Variants in CIBAR1 observed in about 807,000 individuals in gnomAD.
CIBAR1 encodes CBY1-interacting BAR domain-containing protein 1.
In CIBAR1, 25 loss-of-function variants were observed where a neutral mutation model predicts 44.0. The ratio of observed to expected loss-of-function variants is 0.57; its 90% CI spans 0.41 to 0.79. The LOEUF is 0.79. Among genes scored for constraint, CIBAR1 ranks in the 30% least tolerant of loss-of-function variants. The pLI is 0.00. For synonymous variants in CIBAR1, 115 were observed against 119.0 expected (o/e 0.97, Z 0.22); for missense variants, 278 against 344.8 (o/e 0.81, Z 1.53).
chr8:93,716,972 T>C (rs1811059384), intron 6 of CIBAR1, among the ~76,000 whole-genome samples: 1 of 152,252 alleles, frequency 6.6e-6, no homozygotes, highest in South Asian at 2.1e-4. Flanking sequence ...TCAAACAAGA[T>C]GGATGCTTTA....
chr8:93,725,128 A>G (rs563831435), intron 7 of CIBAR1, among the ~76,000 whole-genome samples: 5 of 152,172 alleles, frequency 3.3e-5, no homozygotes, highest in African/African-American at 1.2e-4. Context: ...GACTACAAGC[A>G]TGCACCACCA....
chr8:93,708,161 C>G, intron 5 of CIBAR1, 145 bp downstream of exon 5: 5 of 477,450 alleles, frequency 1.0e-5, no homozygotes, highest in Non-Finnish European at 1.8e-5. Context: ...CAAATGCAAA[C>G]TTTTTCTATG....
rs961606975 is a variant in CIBAR1 at position 93,702,715 on chromosome 8, T to C, written c.262-905T>C. The stretch of plus-strand genomic sequence containing the variant: ...TCGATTTTTATTTTCCTAACATGTT[T>C]TAAAATGAAACATTCATATACATTT... On this transcript the variant is annotated intron_variant, in intron 2 of 8. Transcript: ENST00000518322. Among the ~76,000 whole-genome samples the C allele has an allele frequency of 5.9e-5, 9 of 152,264 alleles. No individual in the cohort carries two copies. In the East Asian group the frequency reaches 1.7e-3, roughly 29 times the overall value.
chr8:93,718,917 G>A (rs1003501628), intron 7 of CIBAR1, 129 bp downstream of exon 7: 1 of 486,622 alleles, frequency 2.1e-6, no homozygotes, highest in African/African-American at 2.0e-5. Context: ...AAGTTGGAGT[G>A]CAGTAGTGTG....
At chr8:93,704,876 C>T (rs754038396) in intron 3 of CIBAR1, 33 bp from the exon 4 acceptor site, 2 of 1,375,172 alleles carry the variant, frequency 1.5e-6, no homozygotes, top group African/African-American at 1.5e-5. Context: ...TTAAGTCAGA[C>T]ATTTTTACTA....
intron 1 of CIBAR1, 139 bp from the exon 2 acceptor site, chr8:93,701,085 G>A: frequency 1.3e-6 from 2 of 1,482,384 alleles, no homozygotes; most frequent in South Asian, 2.8e-5. Context: ...AGCAGTCCGC[G>A]CCGGGAGACG....
At position 93,728,294 on chromosome 8, in the gene CIBAR1, G is replaced by A; in HGVS notation, c.867G>A (p.Lys289=). The A allele has an allele frequency of 6.4e-7, 1 of 1,564,716 alleles. No individual in the cohort carries two copies. The highest frequency in any genetic ancestry group is 1.2e-5 in the South Asian group (1 of 84,388). Reference sequence around the variant, plus strand: ...TTACAGAAGAAGAAAATTTTCTTAAGTAAACTACACATTTCCATTTTCATC... The same window carrying A: ...TTACAGAAGAAGAAAATTTTCTTAAATAAACTACACATTTCCATTTTCATC... ...LDVTEEENFL[K] Residue 289 remains lysine, a synonymous_variant, in exon 9 of 9, where the codon AAG becomes AAA. Transcript: ENST00000518322.
intron 4 of CIBAR1, among the ~76,000 whole-genome samples, chr8:93,707,700 C>G (rs1810653993): frequency 6.6e-6 from 1 of 152,026 alleles, no homozygotes; most frequent in Admixed American, 6.6e-5. Context: ...CACAGAAATA[C>G]AGAGAAATGT....
chr8:93,710,658 A>G (rs1337642898), intron 6 of CIBAR1, among the ~76,000 whole-genome samples: 2 of 151,448 alleles, frequency 1.3e-5, no homozygotes, highest in African/African-American at 4.9e-5. Context: ...ATGTGGGGAA[A>G]CTCCATCTCT....
intron 2 of CIBAR1, 171 bp downstream of exon 2, chr8:93,701,629 GTTTTA>G (rs1169369967): frequency 6.2e-6 from 4 of 641,150 alleles, no homozygotes; most frequent in African/African-American, 5.5e-5. Flanking sequence ...AGCGTTCTGT[GTTTTA>G]TTTTACCCTT....
At chr8:93,713,835 C>G (rs923358118) in intron 6 of CIBAR1, among the ~76,000 whole-genome samples, 1 of 152,156 alleles carries the variant, frequency 6.6e-6, no homozygotes, top group Non-Finnish European at 1.5e-5. Flanking sequence ...ATCTATGTGT[C>G]TATCCTTATG....
intron 6 of CIBAR1, among the ~76,000 whole-genome samples, chr8:93,718,341 A>G (rs1811110893): frequency 6.6e-6 from 1 of 152,248 alleles, no homozygotes; most frequent in South Asian, 2.1e-4. Flanking sequence ...ATACTTAATA[A>G]GCATATGGTA....
chr8:93,722,355 G>C (rs1348646277), intron 7 of CIBAR1, among the ~76,000 whole-genome samples: 1 of 152,320 alleles, frequency 6.6e-6, no homozygotes, highest in South Asian at 2.1e-4. Context: ...GTGTTTTGTA[G>C]TTAGGCACCT....
chr8:93,717,884 G>A (rs1045561023), intron 6 of CIBAR1, among the ~76,000 whole-genome samples: 4 of 152,044 alleles, frequency 2.6e-5, no homozygotes, highest in African/African-American at 4.8e-5. Flanking sequence ...CTCACCCCCT[G>A]CTTAGATCAA....
At chr8:93,704,238 G>A (rs893421461) in intron 3 of CIBAR1, among the ~76,000 whole-genome samples, 1 of 152,148 alleles carries the variant, frequency 6.6e-6, no homozygotes, top group African/African-American at 2.4e-5. Flanking sequence ...TATATGGACA[G>A]AAATTGCTTT....
intron 5 of CIBAR1, among the ~76,000 whole-genome samples, chr8:93,709,286 A>T (rs113190732): frequency 1.6e-4 from 24 of 152,338 alleles, no homozygotes; most frequent in South Asian, 4.1e-4. Context: ...ATCTCAAAAA[A>T]AAATAAATAA....
chr8:93,710,000 AG>A lies in CIBAR1; in HGVS notation c.543+130del, dbSNP rs1810758292. 5 of 681,646 alleles carry A rather than the reference AG, an allele frequency of 7.3e-6. No individual in the cohort carries two copies. The South Asian group carries it at 7.7e-5, about 10-fold the overall frequency. 42.2% of individuals were successfully genotyped at this position (681,646 alleles called of 1,614,324 possible). A position where few individuals can be genotyped will look rare whatever the true frequency, so the allele number is the denominator to read the frequency against. ...CCTTATAAAGAAAATATGATAAATA[AG>A]GGGGCGGGCACAGTGGCTTATGCCT... is the stretch of plus-strand genomic sequence containing the variant. On this transcript the variant is annotated intron_variant, in intron 6 of 8. Transcript: ENST00000518322.
At position 93,700,610 on chromosome 8, in the gene CIBAR1, TG is replaced by T; in HGVS notation, c.-35del. The T allele has an allele frequency of 6.8e-7, 1 of 1,479,062 alleles. No individual in the cohort carries two copies. The highest frequency in any genetic ancestry group is 9.0e-7 in the Non-Finnish European group (1 of 1,114,648). The allele number at this position is 1,479,062 out of a possible 1,614,324, so 91.6% of individuals were successfully genotyped here. A position where few individuals can be genotyped will look rare whatever the true frequency, so the allele number is the denominator to read the frequency against. On this transcript the variant is annotated 5_prime_UTR_variant, in exon 1 of 9. Coordinates refer to ENST00000518322, the MANE Select transcript of CIBAR1 (RefSeq NM_145269.5). ...CCAGGCGCCTTGGAATCCCCGTCCT[TG>T]GGCCCCCGCAAGGTCCCCGGCCGTG...
Position 93,718,788 on chromosome 8 carries a change from G to C in CIBAR1, c.657G>C (p.Glu219Asp). 1 of 1,513,224 alleles carries C rather than the reference G, an allele frequency of 6.6e-7. No homozygotes were observed. Among genetic ancestry groups the C allele is most frequent in the Non-Finnish European group, 9.0e-7 (1 of 1,112,498 alleles). The allele number at this position is 1,513,224 out of a possible 1,614,324, so 93.7% of individuals were successfully genotyped here. The part of the protein sequence containing the change: ...IQNIDEDEDL[E>D]VFRNSLYAPD... ...ACATTGATGAAGATGAAGATTTAGAGGTAGGACTATGTCTATCTAAGCTCA... is the reference window on the plus strand; with the variant it reads ...ACATTGATGAAGATGAAGATTTAGACGTAGGACTATGTCTATCTAAGCTCA... The change falls in exon 7 of 9, where the codon GAG becomes GAC. Residue 219 changes from glutamate to aspartate, a missense_variant and splice_region_variant. Glu to Asp is a conservative substitution (Grantham distance 45). Around this residue, in one of 3 missense-constraint regions of CIBAR1, gnomAD observed 93 missense variants for 108.9 expected, o/e 0.85. Transcript: ENST00000518322.
Sources: gnomAD v4.1 joint callset for allele counts (sites outside exome capture counted in the v4.1 genomes callset) on GRCh38, gnomAD v4.1.1 for gene constraint, gnomAD v4.1.1 regional missense constraint, MANE v1.5 for transcripts, NCBI Gene and HGNC (gene_info 2026-07-23, HGNC 2026-07-21) for gene names.